XRRA1: variants seen among roughly 807,000 people sequenced by gnomAD.
XRRA1 encodes X-ray radiation resistance-associated protein 1.
Under a neutral mutation model 80.2 loss-of-function variants are expected in XRRA1, and 69 were observed. The ratio of observed to expected loss-of-function variants is 0.86; its 90% confidence interval spans 0.71 to 1.05. XRRA1 has a LOEUF of 1.05. Among genes scored for constraint, XRRA1 ranks in the 50% least tolerant of loss-of-function variants. The probability of loss-of-function intolerance (pLI) is 0.00; values close to 1 mark genes in which losing one functional copy is unlikely to be tolerated. For missense variants in XRRA1, 967 were observed against 976.4 expected (o/e 0.99, Z 0.13); for synonymous variants, 348 against 389.9 (o/e 0.89, Z 1.27).
At chr11:74,940,307 A>G (rs1056473796) in intron 3 of XRRA1, among the ~76,000 whole-genome samples, 5 of 152,202 alleles carry the variant, frequency 3.3e-5, no homozygotes, top group Non-Finnish European at 7.3e-5. Flanking sequence ...TCAAATAAGA[A>G]ATACAGACAG....
In XRRA1 at chr11:74,843,847, G is replaced by C; in HGVS notation, c.2149+7C>G. 4 of 1,602,890 alleles carry C rather than the reference G, an allele frequency of 2.5e-6. No individual in the cohort carries two copies. Among genetic ancestry groups the C allele is most frequent in the Non-Finnish European group, 3.4e-6 (4 of 1,174,268 alleles). ...CTGGGATCCTGGCAGCTGTGGCAGA[G>C]CCGTACCTAGTGGAGCCTCTGTAAT... On this transcript the variant is annotated splice_region_variant and intron_variant, in intron 18 of 18. Coordinates refer to ENST00000684022, the MANE Select transcript of XRRA1 (RefSeq NM_001378157.1).
intron 8 of XRRA1, among the ~76,000 whole-genome samples, chr11:74,918,325 T>TGTGTGC (rs764231241): frequency 6.6e-6 from 1 of 151,214 alleles, no homozygotes; most frequent in African/African-American, 2.5e-5. Flanking sequence ...TGTGTGTGTG[T>TGTGTGC]GCACTCGCAT....
At chr11:74,911,716 T>C (rs531803502) in intron 8 of XRRA1, among the ~76,000 whole-genome samples, 1 of 152,244 alleles carries the variant, frequency 6.6e-6, no homozygotes, top group Non-Finnish European at 1.5e-5. Flanking sequence ...TGGTGGTGGA[T>C]CCATCATTTT....
chr11:74,872,792 TTGAA>T (rs1181575096), intron 10 of XRRA1, among the ~76,000 whole-genome samples: 1 of 151,998 alleles, frequency 6.6e-6, no homozygotes, highest in African/African-American at 2.4e-5. Context: ...ATTCTGAAAA[TTGAA>T]GGAAGGAAGG....
rs1203464321 is a variant in XRRA1, at chr11:74,844,246, C to T, written c.1965G>A (p.Leu655=). The part of the protein sequence containing the change: ...QKNAQALQQM[L]KHPLLCHSSK... The stretch of plus-strand genomic sequence containing the variant: ...AGGAGTGGCACAGGAGTGGGTGCTT[C>T]AGCATTTGTTGCAGGGCTTGTGCAT... The change falls in exon 17 of 19, where the codon CTG becomes CTA. Residue 655 remains leucine (L), a synonymous_variant. Transcript: ENST00000684022. 1 of 1,613,466 alleles carries T rather than the reference C, an allele frequency of 6.2e-7. No homozygotes were observed. Among genetic ancestry groups the T allele is most frequent in the Admixed American group, 1.7e-5 (1 of 59,992 alleles).
In XRRA1 at chr11:74,848,387, G is replaced by A; in HGVS notation, c.1456C>T (p.Pro486Ser). ...HHPRMTTTKSPSKDMLEPEAE... is the reference protein window; with the variant it reads ...HHPRMTTTKSSSKDMLEPEAE... The stretch of plus-strand genomic sequence containing the variant: ...TCTGGCTCTAGCATATCCTTTGAGG[G>A]AGACTTGGTTGTCGTCATGCGCGGG... The change falls in exon 15 of 19, where the codon CCC (proline) becomes TCC (serine). Residue 486 changes from proline (P) to serine (S), a missense_variant. Pro to Ser is a moderately conservative substitution (Grantham distance 74). Transcript: ENST00000684022. 6.2e-7 allele frequency: 1 copy of A among 1,613,972 alleles called. No individual in the cohort carries two copies. The highest frequency in any genetic ancestry group is 8.5e-7 in the Non-Finnish European group (1 of 1,179,874).
At position 74,862,986 on chromosome 11, in the gene XRRA1, A is replaced by C; in HGVS notation, c.1039T>G (p.Ser347Ala). ...VFSSYPGFST[S>A]ETTKICSLPP... Reference sequence around the variant, plus strand: ...ATAAAGTAGTCAGTTCCTACCTCTGAGGTTGAAAATCCAGGGTAAGATGAA... The same window carrying C: ...ATAAAGTAGTCAGTTCCTACCTCTGCGGTTGAAAATCCAGGGTAAGATGAA... The change falls in exon 11 of 19, where the codon TCA becomes GCA. Residue 347 changes from serine to alanine, a missense_variant. Ser to Ala is a moderately conservative substitution (Grantham distance 99). Transcript: ENST00000684022. 6.2e-7 allele frequency: 1 copy of C among 1,603,366 alleles called. No individual in the cohort carries two copies. The highest frequency in any genetic ancestry group is 1.3e-5 in the African/African-American group (1 of 74,894).
At chr11:74,926,447 C>T (rs538769141) in intron 7 of XRRA1, among the ~76,000 whole-genome samples, 190 of 152,240 alleles carry the variant, frequency 1.2e-3, no homozygotes, top group Non-Finnish European at 2.2e-3. Flanking sequence ...GTTCATGACA[C>T]GCACACATTT....
At chr11:74,876,164 C>G (rs1368392246) in intron 10 of XRRA1, 1 of 152,152 alleles carries the variant, frequency 6.6e-6, no homozygotes, top group Non-Finnish European at 1.5e-5. Flanking sequence ...AGACAGCTGT[C>G]ACATAAGGGG....
chr11:74,914,159 T>C (rs1373579945), intron 8 of XRRA1, among the ~76,000 whole-genome samples: 1 of 152,160 alleles, frequency 6.6e-6, no homozygotes, highest in East Asian at 1.9e-4. Flanking sequence ...CTAATTTTTG[T>C]ATTTTTAGTA....
At chr11:74,879,510 G>A (rs1414723421) in intron 10 of XRRA1, among the ~76,000 whole-genome samples, 2 of 151,744 alleles carry the variant, frequency 1.3e-5, no homozygotes, top group African/African-American at 4.8e-5. Context: ...TGTTGAATAG[G>A]AGTGGTGAGA....
At chr11:74,940,760 G>A (rs1028221964) in intron 3 of XRRA1, 25 bp downstream of exon 3, 3 of 1,571,764 alleles carry the variant, frequency 1.9e-6, no homozygotes, top group Non-Finnish European at 2.6e-6. Context: ...TGAGGAAAAG[G>A]TAGCTATTTG....
chr11:74,874,695 A>G (rs1172311917), intron 10 of XRRA1, among the ~76,000 whole-genome samples: 4 of 152,226 alleles, frequency 2.6e-5, no homozygotes, highest in Admixed American at 6.5e-5. Context: ...AGAAGGGTCT[A>G]CAATCCAGTT....
chr11:74,843,311 C>G lies in XRRA1; in HGVS notation c.2292G>C (p.Pro764=). 2 of 1,604,084 alleles carry G rather than the reference C, an allele frequency of 1.2e-6. No homozygotes were observed. Among genetic ancestry groups the G allele is most frequent in the Non-Finnish European group, 1.7e-6 (2 of 1,175,642 alleles). ...GSLRTVFGTT[P]LPMACPALSE... ...TCAGCGCTGGGCAGGCCATGGGGAGCGGGGTAGTCCCGAACACTGTGCGCA... is the reference window on the plus strand; with the variant it reads ...TCAGCGCTGGGCAGGCCATGGGGAGGGGGGTAGTCCCGAACACTGTGCGCA... Residue 764 remains proline, a synonymous_variant, in exon 19 of 19, where the codon CCG becomes CCC. Coordinates refer to ENST00000684022, the MANE Select transcript of XRRA1 (RefSeq NM_001378157.1).
intron 10 of XRRA1, among the ~76,000 whole-genome samples, chr11:74,868,135 T>C (rs1363357352): frequency 2.0e-5 from 3 of 152,142 alleles, no homozygotes; most frequent in Non-Finnish European, 4.4e-5. Context: ...GCCAGTCTGC[T>C]CTTGAACTTC....
intron 10 of XRRA1, among the ~76,000 whole-genome samples, chr11:74,884,549 C>T (rs958696611): frequency 2.0e-5 from 3 of 152,216 alleles, no homozygotes; most frequent in South Asian, 4.1e-4. Flanking sequence ...TCACCAGGCA[C>T]CTATAAAAAC....
chr11:74,863,161 C>T (rs759993170), intron 10 of XRRA1, 140 bp from the exon 11 acceptor site: 4 of 765,654 alleles, frequency 5.2e-6, no homozygotes. Context: ...AGCCCCAGTG[C>T]TAACTAGGAA....
chr11:74,940,712 C>T (rs1946156402), intron 3 of XRRA1, 73 bp downstream of exon 3: 7 of 1,246,474 alleles, frequency 5.6e-6, no homozygotes, highest in Non-Finnish European at 6.9e-6. Context: ...TGGAGAAGAA[C>T]AAGTAGATGT....
intron 10 of XRRA1, among the ~76,000 whole-genome samples, chr11:74,887,243 T>C (rs1292182245): frequency 6.6e-6 from 1 of 152,192 alleles, no homozygotes; most frequent in African/African-American, 2.4e-5. Flanking sequence ...ACTAAAGGGC[T>C]TTTGCCTAGC....
Sources: gnomAD v4.1 joint callset for allele counts (sites outside exome capture counted in the v4.1 genomes callset) on GRCh38, gnomAD v4.1.1 for gene constraint, MANE v1.5 for transcripts, NCBI Gene and HGNC (gene_info 2026-07-23, HGNC 2026-07-21) for gene names.